TDRD1: variants seen among roughly 807,000 people sequenced by gnomAD.
The protein encoded by TDRD1 is tudor domain containing 1, also known as tudor domain-containing protein 1.
TDRD1 carries 37 observed loss-of-function variants against 140.6 expected under a neutral mutation model. The observed-to-expected ratio is 0.26, with a 90% confidence interval of 0.20 to 0.35. TDRD1 has a LOEUF of 0.35. Among genes scored for constraint, TDRD1 ranks in the 10% least tolerant of loss-of-function variants. TDRD1 has a pLI of 1.00. For missense variants in TDRD1, 1,243 were observed against 1,393.0 expected, an observed-to-expected ratio of 0.89 and a Z score of 1.71; for synonymous variants, 506 against 475.7, an observed-to-expected ratio of 1.06 and a Z score of -0.83.
At position 114,204,704 on chromosome 10, in the gene TDRD1, C is replaced by T. The variant is rs749736118; in HGVS notation, c.1126-18C>T. ...TTAAATGGTAATTTTTGTAAGTAAC[C>T]TGCGTAAAATTTTTCAGGCCATAAA... is the stretch of plus-strand genomic sequence containing the variant. On this transcript the variant is annotated intron_variant, in intron 9 of 25. Coordinates refer to ENST00000251864, the Ensembl canonical transcript of TDRD1. 2 of 1,561,302 alleles carry T rather than the reference C, an allele frequency of 1.3e-6. No individual in the cohort carries two copies. Among genetic ancestry groups the T allele is most frequent in the African/African-American group, 1.4e-5 (1 of 71,598 alleles).
intron 2 of TDRD1, among the ~76,000 whole-genome samples, chr10:114,188,877 A>T (rs1203588391): frequency 2.7e-5 from 1 of 36,550 alleles, no homozygotes; most frequent in Non-Finnish European, 5.3e-5. Flanking sequence ...AAACAAAATG[A>T]AAAAAAAAAA....
chr10:114,219,929 G>T (rs537563805), intron 18 of TDRD1, among the ~76,000 whole-genome samples: 73 of 152,184 alleles, frequency 4.8e-4, no homozygotes, highest in African/African-American at 1.7e-3. Context: ...TTATTCCAGT[G>T]CTGCTTAAAT....
chr10:114,191,326 CAAG>C (rs1487074334), intron 3 of TDRD1, among the ~76,000 whole-genome samples: 1 of 152,156 alleles, frequency 6.6e-6, no homozygotes, highest in African/African-American at 2.4e-5. Context: ...TCCATCACTA[CAAG>C]GGTCCCTTAT....
Position 114,227,170 on chromosome 10 carries a change from AC to A in TDRD1, c.3275del (p.Thr1092LysfsTer20), listed in dbSNP as rs1246536468. ...TGTAATGCTTTCTGTGAAAGGAATT[AC>A]AAAGAATGTCCATACAGTGTCAGTT... On this transcript the variant is annotated frameshift_variant, in exon 23 of 26. Transcript: ENST00000251864. LOFTEE classifies it high-confidence loss of function. 1 of 1,611,488 alleles carries A rather than the reference AC, an allele frequency of 6.2e-7. No individual in the cohort carries two copies. Among genetic ancestry groups the A allele is most frequent in the Non-Finnish European group, 8.5e-7 (1 of 1,177,650 alleles).
At chr10:114,194,937 T>C (rs2034242752) in intron 3 of TDRD1, among the ~76,000 whole-genome samples, 1 of 151,008 alleles carries the variant, frequency 6.6e-6, no homozygotes, top group African/African-American at 2.4e-5. Flanking sequence ...TTTTTTTTTT[T>C]TCTGTAGATA....
At chr10:114,175,277 C>T (rs1296341926), upstream of TDRD1, among the ~76,000 whole-genome samples, 3 of 152,008 alleles carry the variant, frequency 2.0e-5, no homozygotes, top group Non-Finnish European at 2.9e-5. Flanking sequence ...TTTCGGTACT[C>T]GTCAGTAATA....
chr10:114,191,425 A>G (rs2033957768), intron 3 of TDRD1, among the ~76,000 whole-genome samples: 1 of 152,174 alleles, frequency 6.6e-6, no homozygotes, highest in Non-Finnish European at 1.5e-5. Context: ...ACTGATATGC[A>G]TATTTCGACA....
chr10:114,177,283 G>C (rs1294890823), upstream of TDRD1, among the ~76,000 whole-genome samples: 1 of 151,996 alleles, frequency 6.6e-6, no homozygotes, highest in Non-Finnish European at 1.5e-5. Flanking sequence ...AGTATGAAAA[G>C]GGAAGGGAAA....
At chr10:114,186,263 G>A (rs981856507) in intron 1 of TDRD1, among the ~76,000 whole-genome samples, 8 of 136,998 alleles carry the variant, frequency 5.8e-5, no homozygotes, top group African/African-American at 2.0e-4. Context: ...TTCCCCTGGA[G>A]TTTTTTTGTT....
At position 114,202,660 on chromosome 10, in the gene TDRD1, C is replaced by T. The variant is rs555831392; in HGVS notation, c.696+362C>T. On this transcript the variant is annotated intron_variant, in intron 6 of 25. Transcript: ENST00000251864. ...AACATGGGCTGAATTATTTGTAATC[C>T]GAAAAACATCCGTCGTGTCCAACTC... Among the ~76,000 whole-genome samples, 14 of 152,128 alleles carry T rather than the reference C, an allele frequency of 9.2e-5. No individual in the cohort carries two copies. In the South Asian group the frequency reaches 1.7e-3, roughly 18 times the overall value.
chr10:114,211,312 C>A (rs569710802), intron 13 of TDRD1, among the ~76,000 whole-genome samples: 7 of 152,254 alleles, frequency 4.6e-5, no homozygotes, highest in African/African-American at 1.7e-4. Flanking sequence ...CATATCTTCA[C>A]CGGTTTTATT....
chr10:114,196,469 C>T (rs2034355824), intron 3 of TDRD1, among the ~76,000 whole-genome samples: 1 of 152,144 alleles, frequency 6.6e-6, no homozygotes, highest in African/African-American at 2.4e-5. Flanking sequence ...TGTTTTGTCA[C>T]TTTCTTCTGG....
rs370498024 is a variant in TDRD1 at position 114,182,135 on chromosome 10, C to T, written c.-7+2719C>T. 3.3e-5 allele frequency among the ~76,000 whole-genome samples: 5 copies of T among 152,304 alleles called. No individual in the cohort carries two copies. The East Asian group carries it at 9.6e-4, about 29-fold the overall frequency. ...ACTTTCCTGTTGACGGGCTGCCAAC[C>T]CGTGTCTGGAATCTTGTATTCCATT... On this transcript the variant is annotated intron_variant, in intron 1 of 25. Coordinates refer to ENST00000251864, the Ensembl canonical transcript of TDRD1.
chr10:114,226,712 G>A (rs1405960514), intron 22 of TDRD1, among the ~76,000 whole-genome samples: 2 of 152,110 alleles, frequency 1.3e-5, no homozygotes, highest in South Asian at 2.1e-4. Context: ...TTTTACTGTC[G>A]CTCCTGATGT....
chr10:114,206,840 C>T (rs1164217745), intron 11 of TDRD1, among the ~76,000 whole-genome samples: 4 of 152,124 alleles, frequency 2.6e-5, no homozygotes, highest in Non-Finnish European at 4.4e-5. Context: ...GTCTCAAACT[C>T]CTGACCTGAG....
At chr10:114,223,904 C>A (rs903288487) in intron 21 of TDRD1, among the ~76,000 whole-genome samples, 2 of 152,194 alleles carry the variant, frequency 1.3e-5, no homozygotes, top group African/African-American at 4.8e-5. Context: ...GCTTGTCCCC[C>A]AGACCTGAGC....
rs149142353 is a variant in TDRD1, at chr10:114,203,234, G to T, written c.801+58G>T. 9.7e-5 allele frequency: 146 copies of T among 1,511,100 alleles called. 2 individuals carry two copies. The South Asian group carries it at 1.6e-3, about 17-fold the overall frequency. The allele number at this position is 1,511,100 out of a possible 1,614,324, so 93.6% of individuals were successfully genotyped here. A position where few individuals can be genotyped will look rare whatever the true frequency, so the allele number is the denominator to read the frequency against. ...GATCCAGAGAACTGTATTTATTCTC[G>T]TTTCCTATTTTTGAGTTCATGCGGT... On this transcript the variant is annotated intron_variant, in intron 7 of 25. Transcript: ENST00000251864.
chr10:114,214,260 A>C lies in TDRD1; in HGVS notation c.2212+146A>C, dbSNP rs879039569. The C allele has an allele frequency of 2.1e-5, 14 of 668,536 alleles. 1 individual carries two copies. In the South Asian group the frequency reaches 2.9e-4, roughly 14 times the overall value. The allele number at this position is 668,536 out of a possible 1,614,324, so 41.4% of individuals were successfully genotyped here. A position where few individuals can be genotyped will look rare whatever the true frequency, so the allele number is the denominator to read the frequency against. Reference sequence around the variant, plus strand: ...GTATTTCCAAGAAAGATTTGGTTATACTTAGTTAGCTTTTATTCTCTTTTA... The same window carrying C: ...GTATTTCCAAGAAAGATTTGGTTATCCTTAGTTAGCTTTTATTCTCTTTTA... On this transcript the variant is annotated intron_variant, in intron 16 of 25. Coordinates refer to ENST00000251864, the Ensembl canonical transcript of TDRD1.
chr10:114,184,996 C>T (rs2033401952), intron 1 of TDRD1, among the ~76,000 whole-genome samples: 1 of 152,016 alleles, frequency 6.6e-6, no homozygotes. Context: ...TTGTATTAGT[C>T]CCAATTAGGT....
Sources: allele counts gnomAD v4.1 joint callset (sites outside exome capture counted in the v4.1 genomes callset), GRCh38; gene constraint gnomAD v4.1.1; transcripts MANE v1.5; gene names NCBI Gene and HGNC (gene_info 2026-07-23, HGNC 2026-07-21).